RTN1: variants seen among roughly 807,000 people sequenced by gnomAD.
The protein encoded by RTN1 is reticulon-1.
Under a neutral mutation model 65.5 loss-of-function variants are expected in RTN1, and 25 were observed. The observed-to-expected ratio is 0.38, with a 90% CI of 0.28 to 0.53. The LOEUF is 0.53. Among genes scored for constraint, RTN1 ranks in the 20% least tolerant of loss-of-function variants. RTN1 has a pLI of 0.79. For missense variants in RTN1, 983 were observed against 1,025.4 expected (o/e 0.96, Z 0.57); for synonymous variants, 471 against 447.6 (o/e 1.05, Z -0.66).
intron 3 of RTN1, among the ~76,000 whole-genome samples, chr14:59,673,748 A>C (rs1883561944): frequency 6.6e-6 from 1 of 151,960 alleles, no homozygotes; most frequent in African/African-American, 2.4e-5. Flanking sequence ...CCAGTCGTGG[A>C]CTCTATCGAG....
intron 1 of RTN1, among the ~76,000 whole-genome samples, chr14:59,778,873 G>A (rs1222549853): frequency 6.6e-6 from 1 of 152,176 alleles, no homozygotes; most frequent in Non-Finnish European, 1.5e-5. Flanking sequence ...GCTGGAGAGG[G>A]AGAACAGGGT....
At chr14:59,866,662 T>C (rs1887804157) in intron 1 of RTN1, among the ~76,000 whole-genome samples, 1 of 152,170 alleles carries the variant, frequency 6.6e-6, no homozygotes, top group Admixed American at 6.5e-5. Context: ...GCATTAGTTT[T>C]CCAAACTCTT....
intron 4 of RTN1, 91 bp from the exon 5 acceptor site, chr14:59,605,597 T>G (rs1881717303): frequency 1.4e-6 from 2 of 1,395,412 alleles, no homozygotes; most frequent in East Asian, 4.6e-5. Context: ...GTTCCTACTC[T>G]CACTCTGAGG....
intron 1 of RTN1, among the ~76,000 whole-genome samples, chr14:59,831,184 T>C (rs533499076): frequency 6.6e-6 from 1 of 152,360 alleles, no homozygotes; most frequent in South Asian, 2.1e-4. Context: ...ACTGGGCCAG[T>C]GGGTGCCCAG....
At chr14:59,793,539 T>C (rs1016758149) in intron 1 of RTN1, among the ~76,000 whole-genome samples, 1 of 152,088 alleles carries the variant, frequency 6.6e-6, no homozygotes, top group African/African-American at 2.4e-5. Flanking sequence ...TTACTGTGTG[T>C]AAGTATGTGT....
chr14:59,767,440 C>A (rs1455450368), intron 1 of RTN1, among the ~76,000 whole-genome samples: 1 of 152,202 alleles, frequency 6.6e-6, no homozygotes, highest in Non-Finnish European at 1.5e-5. Flanking sequence ...CAGACACTTA[C>A]CTGACCGCTC....
chr14:59,642,096 A>G (rs1350818376), intron 3 of RTN1, among the ~76,000 whole-genome samples: 1 of 152,132 alleles, frequency 6.6e-6, no homozygotes, highest in Non-Finnish European at 1.5e-5. Context: ...TCATTTTTGA[A>G]TGATAGTTTC....
At chr14:59,822,129 C>T (rs1398094743) in intron 1 of RTN1, among the ~76,000 whole-genome samples, 1 of 152,182 alleles carries the variant, frequency 6.6e-6, no homozygotes, top group Non-Finnish European at 1.5e-5. Flanking sequence ...GGCTGTGAAT[C>T]CATCTGGCCT....
At chr14:59,735,911 G>A (rs1288260188) in intron 2 of RTN1, among the ~76,000 whole-genome samples, 1 of 152,144 alleles carries the variant, frequency 6.6e-6, no homozygotes, top group African/African-American at 2.4e-5. Flanking sequence ...CACAACTACA[G>A]GGAAACTAAA....
At chr14:59,750,116 A>AAT (rs1295672123) in intron 1 of RTN1, among the ~76,000 whole-genome samples, 1 of 85,780 alleles carries the variant, frequency 1.2e-5, no homozygotes, top group Non-Finnish European at 2.0e-5. Context: ...TATTATATAT[A>AAT]ATATATATTA....
intron 1 of RTN1, among the ~76,000 whole-genome samples, chr14:59,770,199 G>A (rs147617379): frequency 0.022 from 3,354 of 151,594 alleles, 124 homozygotes; most frequent in African/African-American, 0.077. Context: ...TCAACATGGC[G>A]AAACCCCGTA....
intron 3 of RTN1, among the ~76,000 whole-genome samples, chr14:59,683,560 G>T (rs1883785642): frequency 6.6e-6 from 1 of 152,000 alleles, no homozygotes; most frequent in Admixed American, 6.6e-5. Flanking sequence ...ACAAATGATG[G>T]CTTTTTACCA....
At chr14:59,797,859 T>C (rs570919149) in intron 1 of RTN1, among the ~76,000 whole-genome samples, 10 of 152,172 alleles carry the variant, frequency 6.6e-5, no homozygotes, top group African/African-American at 2.4e-4. Flanking sequence ...CTTGTCTTCA[T>C]AGCATAAGAA....
In RTN1 at chr14:59,761,835, C is replaced by T. The variant is rs545942364; in HGVS notation, c.242-15354G>A. ...CTGTGCCAGAGGCCTGCATCCTCTG[C>T]TGAAAGTCTTGGATTTTGTGCCAGT... On this transcript the variant is annotated intron_variant, in intron 1 of 8. Transcript: ENST00000267484. Among the ~76,000 whole-genome samples, 4 of 152,290 alleles carry T rather than the reference C, an allele frequency of 2.6e-5. No homozygotes were observed. The South Asian group carries it at 8.3e-4, about 32-fold the overall frequency.
At chr14:59,695,123 A>C (rs1230434938) in intron 3 of RTN1, among the ~76,000 whole-genome samples, 1 of 152,170 alleles carries the variant, frequency 6.6e-6, no homozygotes, top group African/African-American at 2.4e-5. Context: ...AGGCAAGGGC[A>C]CTTGGTGCCA....
chr14:59,615,637 A>G (rs1882081025), intron 3 of RTN1, among the ~76,000 whole-genome samples: 1 of 152,368 alleles, frequency 6.6e-6, no homozygotes, highest in Middle Eastern at 3.4e-3. Context: ...AAAACTGAAT[A>G]AAGATACAAA....
chr14:59,820,639 A>G (rs1886927198), intron 1 of RTN1, among the ~76,000 whole-genome samples: 1 of 152,172 alleles, frequency 6.6e-6, no homozygotes. Context: ...CAGTTATCCC[A>G]GCACCATTTA....
chr14:59,753,766 C>T (rs1319342318), intron 1 of RTN1, among the ~76,000 whole-genome samples: 4 of 152,188 alleles, frequency 2.6e-5, no homozygotes, highest in Non-Finnish European at 5.9e-5. Flanking sequence ...AGAGCACAAG[C>T]CATTTGCCCC....
At chr14:59,850,665 T>C (rs890840737) in intron 1 of RTN1, among the ~76,000 whole-genome samples, 1 of 152,224 alleles carries the variant, frequency 6.6e-6, no homozygotes. Context: ...GACGTCAGTG[T>C]TCCATCCATT....
Sources: gnomAD v4.1 joint callset for allele counts (sites outside exome capture counted in the v4.1 genomes callset) on GRCh38, gnomAD v4.1.1 for gene constraint, MANE v1.5 for transcripts, NCBI Gene and HGNC (gene_info 2026-07-23, HGNC 2026-07-21) for gene names.